Variants in DAGLB observed in about 807,000 individuals in gnomAD.
DAGLB encodes the protein diacylglycerol lipase-beta.
In DAGLB, 66 loss-of-function variants were observed where a neutral mutation model predicts 72.1. The ratio of observed to expected loss-of-function variants is 0.92; its 90% confidence interval spans 0.75 to 1.12. The LOEUF (loss-of-function observed/expected upper bound fraction) is 1.12, where lower values mean the gene tolerates loss of function less well. DAGLB is among the 50% of genes most tolerant of loss of function. The pLI, the probability that DAGLB is intolerant of heterozygous loss-of-function variation, is 0.00. For synonymous variants in DAGLB, 414 were observed against 359.5 expected (o/e 1.15, Z -1.71); for missense variants, 1,065 against 884.9 (o/e 1.20, Z -2.58).
chr7:6,416,971 C>A, intron 9 of DAGLB, 50 bp from the exon 10 acceptor site: 1 of 1,597,172 alleles, frequency 6.3e-7, no homozygotes, highest in Non-Finnish European at 8.6e-7. Context: ...ACAAGGCAGG[C>A]CCAGCAGAGA....
chr7:6,430,250 C>CATATACATATATAT (rs1491373912), intron 6 of DAGLB, among the ~76,000 whole-genome samples: 40 of 45,750 alleles, frequency 8.7e-4, no homozygotes, highest in African/African-American at 4.0e-3. Context: ...AATACATGTG[C>CATATACATATATAT]ATATATATAT....
At chr7:6,435,752 C>T (rs1784635068) in intron 3 of DAGLB, among the ~76,000 whole-genome samples, 1 of 152,134 alleles carries the variant, frequency 6.6e-6, no homozygotes, top group Non-Finnish European at 1.5e-5. Context: ...CACTGCAAGA[C>T]GCCGGATTGA....
At chr7:6,444,992 A>G (rs1784950588) in intron 2 of DAGLB, among the ~76,000 whole-genome samples, 1 of 130,198 alleles carries the variant, frequency 7.7e-6, no homozygotes, top group Non-Finnish European at 1.6e-5. Flanking sequence ...AAGTCATATA[A>G]TAAGAGCGTT....
At chr7:6,412,052 T>C (rs773791809) in intron 13 of DAGLB, among the ~76,000 whole-genome samples, 4 of 152,014 alleles carry the variant, frequency 2.6e-5, no homozygotes, top group Non-Finnish European at 5.9e-5. Flanking sequence ...GTAGCTGGGA[T>C]TACAGGCACT....
intron 1 of DAGLB, among the ~76,000 whole-genome samples, chr7:6,446,365 C>G (rs1785000385): frequency 6.7e-6 from 1 of 148,942 alleles, no homozygotes; most frequent in Non-Finnish European, 1.5e-5. Flanking sequence ...GTAGTCCCAG[C>G]TACTCGAGAG....
chr7:6,439,233 C>T (rs548138193), intron 2 of DAGLB, among the ~76,000 whole-genome samples: 5 of 147,040 alleles, frequency 3.4e-5, no homozygotes, highest in East Asian at 3.9e-4. Flanking sequence ...CCAGCCTGGG[C>T]GACAGAGTGA....
At chr7:6,437,032 C>G (rs947398197) in intron 2 of DAGLB, among the ~76,000 whole-genome samples, 1 of 151,592 alleles carries the variant, frequency 6.6e-6, no homozygotes, top group African/African-American at 2.4e-5. Flanking sequence ...CGTCTGTAAT[C>G]CTAGCTACTT....
In DAGLB at chr7:6,430,533, G is replaced by A. The variant is rs373267163; in HGVS notation, c.876C>T (p.Pro292=). ...MQFAAAAYGW[P]LYIYRNPLTG... is the part of the protein sequence containing the mutation. ...TGAGGGGGTTTCTGTAGATGTAGAG[G>A]GGCCACCCATAGGCCGCTGCTGCAA... Residue 292 remains proline, a synonymous_variant, in exon 6 of 15, where the codon CCC becomes CCT. Coordinates refer to ENST00000297056, the MANE Select transcript of DAGLB (RefSeq NM_139179.4). 1.2e-6 allele frequency: 2 copies of A among 1,600,954 alleles called. No individual in the cohort carries two copies. Among genetic ancestry groups the A allele is most frequent in the African/African-American group, 2.7e-5 (2 of 74,734 alleles).
chr7:6,432,521 G>A (rs1237027295), intron 5 of DAGLB, among the ~76,000 whole-genome samples: 2 of 151,898 alleles, frequency 1.3e-5, no homozygotes, highest in African/African-American at 4.8e-5. Context: ...TTAGCCAGGT[G>A]TGGTGGCAGG....
At position 6,436,509 on chromosome 7, in the gene DAGLB, C is replaced by A; in HGVS notation, c.272G>T (p.Arg91Leu). ...MRGTICNPGPRKSMSKLLYIR... is the reference protein window; with the variant it reads ...MRGTICNPGPLKSMSKLLYIR... ...GTAAAGCAGCTTAGACATAGACTTC[C>A]GCGGTCCAGGGTTACAAATCGTTCC... is the stretch of plus-strand genomic sequence containing the variant. Residue 91 changes from arginine (R) to leucine (L), a missense_variant, in exon 3 of 15, where the codon CGG becomes CTG. Coordinates refer to ENST00000297056, the MANE Select transcript of DAGLB (RefSeq NM_139179.4). 1 of 1,614,140 alleles carries A rather than the reference C, an allele frequency of 6.2e-7. No homozygotes were observed. Among genetic ancestry groups the A allele is most frequent in the Non-Finnish European group, 8.5e-7 (1 of 1,180,028 alleles).
chr7:6,412,057 G>A (rs1783747031), intron 13 of DAGLB, among the ~76,000 whole-genome samples: 1 of 152,006 alleles, frequency 6.6e-6, no homozygotes, highest in African/African-American at 2.4e-5. Context: ...TGGGATTACA[G>A]GCACTCACCA....
intron 13 of DAGLB, among the ~76,000 whole-genome samples, chr7:6,410,912 TCTCA>T (rs1233091597): frequency 3.0e-5 from 4 of 132,810 alleles, no homozygotes; most frequent in African/African-American, 1.2e-4. Context: ...TGAGACGGAG[TCTCA>T]CTCTGTTGCC....
chr7:6,424,892 CA>C, intron 7 of DAGLB, 57 bp from the exon 8 acceptor site: 1 of 1,570,218 alleles, frequency 6.4e-7, no homozygotes, highest in Non-Finnish European at 8.8e-7. Flanking sequence ...CACCAGCACG[CA>C]AAGTCGGAGC....
intron 1 of DAGLB, 24 bp downstream of exon 1, chr7:6,447,724 C>T (rs377191813): frequency 6.2e-7 from 1 of 1,606,588 alleles, no homozygotes; most frequent in East Asian, 2.2e-5. Flanking sequence ...TGGGCTCCAC[C>T]GCCCCCGTAG....
At chr7:6,412,119 C>T (rs1180093037) in intron 13 of DAGLB, among the ~76,000 whole-genome samples, 1 of 152,070 alleles carries the variant, frequency 6.6e-6, no homozygotes, top group Non-Finnish European at 1.5e-5. Flanking sequence ...TTTGCCATGT[C>T]GACCACTCTG....
At chr7:6,447,661 A>G in intron 1 of DAGLB, 87 bp downstream of exon 1, 1 of 1,497,750 alleles carries the variant, frequency 6.7e-7, no homozygotes. Context: ...GTGCTTGGGA[A>G]GCCACTTCTG....
At position 6,447,695 on chromosome 7, in the gene DAGLB, C is replaced by A; in HGVS notation, c.95+53G>T. ...TGTCACCGTCTCAAGGGACAGCTCG[C>A]CCCCCGCTCCCTCTCCGGTGGGCTC... On this transcript the variant is annotated intron_variant, in intron 1 of 14. Transcript: ENST00000297056. The A allele has an allele frequency of 3.8e-6, 6 of 1,576,732 alleles. No individual in the cohort carries two copies. In the South Asian group the frequency reaches 4.6e-5, roughly 12 times the overall value.
rs751548460 is a variant in DAGLB, at chr7:6,434,774, T to A, written c.666A>T (p.Ser222=). The part of the protein sequence containing the change: ...VAFSSTAELF[S]TYFSDTDLVP... ...CCCCTCGGCTTACTGAAAAGTAGGT[T>A]GAGAAAAGCTCTGCCGTACTCGAAA... Residue 222 remains serine (S), a synonymous_variant, in exon 4 of 15, where the codon TCA becomes TCT. Coordinates refer to ENST00000297056, the MANE Select transcript of DAGLB (RefSeq NM_139179.4). 6.2e-7 allele frequency: 1 copy of A among 1,613,976 alleles called. No individual in the cohort carries two copies. Among genetic ancestry groups the A allele is most frequent in the Non-Finnish European group, 8.5e-7 (1 of 1,180,006 alleles).
chr7:6,446,005 G>A lies in DAGLB; in HGVS notation c.195C>T (p.Leu65=), dbSNP rs764176608. Residue 65 remains leucine (L), a synonymous_variant, in exon 2 of 15, where the codon CTC becomes CTT. Transcript: ENST00000297056. ...LSSYLIVLMI[L]LAVVICTVSA... is the part of the protein sequence containing the mutation. ...ACACAGTACATATGACAACTGCCAG[G>A]AGAATCATGAGGACGATCAAGTAAC... 5.0e-6 allele frequency: 8 copies of A among 1,613,626 alleles called. No homozygotes were observed. The highest frequency in any genetic ancestry group is 2.5e-6 in the Non-Finnish European group (3 of 1,179,924).
Sources: allele counts gnomAD v4.1 joint callset (sites outside exome capture counted in the v4.1 genomes callset), GRCh38; gene constraint gnomAD v4.1.1; transcripts MANE v1.5; gene names NCBI Gene and HGNC (gene_info 2026-07-23, HGNC 2026-07-21).